The following SDCCAG8 variants were observed in gnomAD, a reference collection of about 807,000 sequenced individuals.
SDCCAG8 encodes the protein serologically defined colon cancer antigen 8.
Under a neutral mutation model 101.8 loss-of-function variants are expected in SDCCAG8, and 74 were observed. The ratio of observed to expected loss-of-function variants is 0.73; its 90% CI spans 0.60 to 0.88. The LOEUF (loss-of-function observed/expected upper bound fraction) is 0.88. SDCCAG8 is among the 40% of genes least tolerant of loss of function. SDCCAG8 has a pLI of 0.00. For missense variants in SDCCAG8, 787 were observed against 822.6 expected, an observed-to-expected ratio of 0.96 and a Z score of 0.53; for synonymous variants, 281 against 292.9, an observed-to-expected ratio of 0.96 and a Z score of 0.41.
chr1:243,441,393 C>G (rs561964026), intron 16 of SDCCAG8, among the ~76,000 whole-genome samples: 2 of 152,248 alleles, frequency 1.3e-5, no homozygotes, highest in East Asian at 3.9e-4. Context: ...TTTTCTTTGT[C>G]TGATACTCCC....
chr1:243,410,290 A>G (rs1455873289), intron 13 of SDCCAG8, among the ~76,000 whole-genome samples: 2 of 152,214 alleles, frequency 1.3e-5, no homozygotes, highest in African/African-American at 4.8e-5. Flanking sequence ...TGGCACACCA[A>G]TGATGTTAAT....
chr1:243,419,120 T>TG (rs1205843885), intron 15 of SDCCAG8, among the ~76,000 whole-genome samples: 1 of 152,068 alleles, frequency 6.6e-6, no homozygotes, highest in Non-Finnish European at 1.5e-5. Context: ...CTGAATCTTT[T>TG]GGGGAATCAG....
intron 16 of SDCCAG8, among the ~76,000 whole-genome samples, chr1:243,435,560 A>G (rs1435919654): frequency 1.3e-5 from 2 of 152,316 alleles, no homozygotes; most frequent in East Asian, 1.9e-4. Flanking sequence ...TTGTTTATTT[A>G]TATTATAGGT....
At chr1:243,499,729 A>C in intron 17 of SDCCAG8, 27 bp from the exon 18 acceptor site, 1 of 1,588,332 alleles carries the variant, frequency 6.3e-7, no homozygotes, top group Non-Finnish European at 8.6e-7. Flanking sequence ...TGAGCTATTG[A>C]AACTTACTTT....
At chr1:243,360,648 C>T (rs535859006) in intron 12 of SDCCAG8, among the ~76,000 whole-genome samples, 1 of 151,880 alleles carries the variant, frequency 6.6e-6, no homozygotes, top group African/African-American at 2.4e-5. Flanking sequence ...ATGGTGAAAC[C>T]CTGTCTCTAC....
intron 16 of SDCCAG8, among the ~76,000 whole-genome samples, chr1:243,484,334 C>G (rs938485582): frequency 1.3e-5 from 2 of 152,250 alleles, no homozygotes; most frequent in African/African-American, 4.8e-5. Flanking sequence ...GGGAAGGCCC[C>G]GCCCCTGGCC....
chr1:243,438,923 A>G (rs1373040812), intron 16 of SDCCAG8, among the ~76,000 whole-genome samples: 1 of 151,966 alleles, frequency 6.6e-6, no homozygotes, highest in Non-Finnish European at 1.5e-5. Flanking sequence ...ATCTTTCCAT[A>G]TCTGTTTTAA....
chr1:243,476,267 A>C (rs1247678890), intron 16 of SDCCAG8: 1 of 985,338 alleles, frequency 1.0e-6, no homozygotes, highest in Non-Finnish European at 1.2e-6. Context: ...AAGAGGAGCT[A>C]AATAAAAAGC....
At chr1:243,399,884 C>T (rs938244564) in intron 13 of SDCCAG8, among the ~76,000 whole-genome samples, 1 of 152,186 alleles carries the variant, frequency 6.6e-6, no homozygotes, top group African/African-American at 2.4e-5. Flanking sequence ...CTGTAATAGG[C>T]ATATTCACTT....
chr1:243,358,526 A>C (rs1392759913), intron 12 of SDCCAG8, among the ~76,000 whole-genome samples: 1 of 152,210 alleles, frequency 6.6e-6, no homozygotes, highest in African/African-American at 2.4e-5. Flanking sequence ...ATTTAAAGTC[A>C]TACAGGCTGA....
chr1:243,406,026 AT>A (rs2079758654), intron 13 of SDCCAG8, among the ~76,000 whole-genome samples: 1 of 152,196 alleles, frequency 6.6e-6, no homozygotes, highest in Non-Finnish European at 1.5e-5. Context: ...TAGAATGCAT[AT>A]TGATCCTACT....
chr1:243,431,325 A>G (rs926868085), intron 16 of SDCCAG8, among the ~76,000 whole-genome samples: 2 of 152,212 alleles, frequency 1.3e-5, no homozygotes, highest in Non-Finnish European at 2.9e-5. Flanking sequence ...AAGTAGAACC[A>G]GCAGGAGTTA....
chr1:243,259,673 G>C (rs915932545), intron 1 of SDCCAG8, among the ~76,000 whole-genome samples: 1 of 151,892 alleles, frequency 6.6e-6, no homozygotes, highest in African/African-American at 2.4e-5. Flanking sequence ...TACAAAATGA[G>C]CCAGGCGTGG....
intron 10 of SDCCAG8, among the ~76,000 whole-genome samples, chr1:243,334,295 C>G (rs1463343753): frequency 1.3e-5 from 2 of 152,154 alleles, no homozygotes; most frequent in African/African-American, 4.8e-5. Context: ...ATATGTCAGT[C>G]TCTTGCTTTA....
intron 7 of SDCCAG8, among the ~76,000 whole-genome samples, chr1:243,306,929 A>G (rs1302355546): frequency 1.3e-5 from 2 of 152,102 alleles, no homozygotes; most frequent in Non-Finnish European, 2.9e-5. Flanking sequence ...CTCCTCTGTG[A>G]CAGTGAGCCA....
intron 16 of SDCCAG8, among the ~76,000 whole-genome samples, chr1:243,468,475 C>T (rs1660581040): frequency 6.6e-6 from 1 of 152,230 alleles, no homozygotes; most frequent in East Asian, 1.9e-4. Context: ...GCCTCAGCCT[C>T]CCAAAGTCCT....
chr1:243,296,792 C>A (rs1244881346), intron 6 of SDCCAG8, among the ~76,000 whole-genome samples: 1 of 151,848 alleles, frequency 6.6e-6, no homozygotes, highest in African/African-American at 2.4e-5. Context: ...CTCGGCCTCC[C>A]AAAGTGCTGG....
At chr1:243,328,794 T>C (rs1324952015) in intron 9 of SDCCAG8, among the ~76,000 whole-genome samples, 2 of 152,210 alleles carry the variant, frequency 1.3e-5, no homozygotes, top group Admixed American at 1.3e-4. Context: ...CCAGGATTAT[T>C]TACTGTTGCT....
chr1:243,380,781 G>A (rs1396159601), intron 13 of SDCCAG8, among the ~76,000 whole-genome samples: 1 of 151,440 alleles, frequency 6.6e-6, no homozygotes, highest in East Asian at 1.9e-4. Context: ...GTACTCTTTT[G>A]TAAGCATTTT....
Sources: allele counts gnomAD v4.1 joint callset (sites outside exome capture counted in the v4.1 genomes callset), GRCh38; gene constraint gnomAD v4.1.1; transcripts MANE v1.5; gene names NCBI Gene and HGNC (gene_info 2026-07-23, HGNC 2026-07-21).